The following CSMD1 variants were observed in gnomAD, a reference collection of about 807,000 sequenced individuals.
The protein encoded by CSMD1 is CUB and Sushi multiple domains 1, also known as CUB and sushi domain-containing protein 1.
A neutral mutation model predicts 417.5 loss-of-function variants in CSMD1; 213 were observed. The observed-to-expected ratio is 0.51, with a 90% CI of 0.46 to 0.57. The LOEUF (loss-of-function observed/expected upper bound fraction) is 0.57. CSMD1 is among the 20% of genes least tolerant of loss of function. The probability of loss-of-function intolerance (pLI) is 0.00; values close to 1 mark genes in which losing one functional copy is unlikely to be tolerated. For missense variants in CSMD1, 6,923 were observed against 4,529.7 expected (o/e 1.53, Z -15.17); for synonymous variants, 2,862 against 1,736.8 (o/e 1.65, Z -16.11).
rs192589500 is a variant in CSMD1, at chr8:4,678,982, C to T, written c.86-41424G>A. ...AGCTATGCTAAGAGTTGTGTGCTGC[C>T]GACTCTCAACCTCACCCACAGAACA... On this transcript the variant is annotated intron_variant, in intron 1 of 69. Coordinates refer to ENST00000635120, the MANE Select transcript of CSMD1 (RefSeq NM_033225.6). 2.0e-3 allele frequency among the ~76,000 whole-genome samples: 310 copies of T among 152,220 alleles called. 1 individual carries two copies. Among genetic ancestry groups the T allele is most frequent in the South Asian group, 0.012 (60 of 4,820 alleles).
At chr8:4,008,716 T>C (rs1444715931) in intron 4 of CSMD1, among the ~76,000 whole-genome samples, 1 of 147,210 alleles carries the variant, frequency 6.8e-6, no homozygotes, top group African/African-American at 2.5e-5. Flanking sequence ...GTTCACATCA[T>C]TCTCCTGCCT....
At chr8:3,992,274 A>G (rs917775124) in intron 5 of CSMD1, among the ~76,000 whole-genome samples, 3 of 152,164 alleles carry the variant, frequency 2.0e-5, no homozygotes, top group Admixed American at 6.5e-5. Context: ...ATGAACCAGC[A>G]TAACTTGACC....
chr8:4,542,956 G>A (rs1797465036), intron 2 of CSMD1, among the ~76,000 whole-genome samples: 1 of 151,942 alleles, frequency 6.6e-6, no homozygotes, highest in Non-Finnish European at 1.5e-5. Context: ...TATAATCATG[G>A]CATATTTGCA....
chr8:3,961,879 A>G (rs1426527070), intron 5 of CSMD1, among the ~76,000 whole-genome samples: 1 of 152,182 alleles, frequency 6.6e-6, no homozygotes, highest in Admixed American at 6.5e-5. Context: ...AAAACAGCGC[A>G]TCCTGCCTTA....
chr8:3,870,677 A>G (rs1298872700), intron 5 of CSMD1, among the ~76,000 whole-genome samples: 1 of 152,134 alleles, frequency 6.6e-6, no homozygotes, highest in Non-Finnish European at 1.5e-5. Context: ...TGAATATTAG[A>G]GGGATGTTAA....
At chr8:4,053,555 T>C (rs1449531393) in intron 3 of CSMD1, among the ~76,000 whole-genome samples, 1 of 152,156 alleles carries the variant, frequency 6.6e-6, no homozygotes, top group Non-Finnish European at 1.5e-5. Flanking sequence ...TTCTCTGACC[T>C]TGCAAGCTGG....
chr8:3,651,462 G>C (rs1019945789), intron 7 of CSMD1, among the ~76,000 whole-genome samples: 1 of 152,000 alleles, frequency 6.6e-6, no homozygotes, highest in African/African-American at 2.4e-5. Flanking sequence ...TGCACGTTCT[G>C]ACTTCCCTTT....
chr8:4,078,321 T>A (rs935390109), intron 3 of CSMD1, among the ~76,000 whole-genome samples: 11 of 150,768 alleles, frequency 7.3e-5, no homozygotes, highest in Non-Finnish European at 1.6e-4. Flanking sequence ...AACTTTTTTT[T>A]TTTTTTTTTT....
At chr8:4,723,747 T>C (rs1809219865) in intron 1 of CSMD1, among the ~76,000 whole-genome samples, 1 of 143,832 alleles carries the variant, frequency 7.0e-6, no homozygotes, top group Admixed American at 7.0e-5. Context: ...TCATATGTGC[T>C]GTAAGAATCT....
At chr8:4,571,057 G>A (rs1398709913) in intron 2 of CSMD1, among the ~76,000 whole-genome samples, 1 of 152,032 alleles carries the variant, frequency 6.6e-6, no homozygotes, top group Non-Finnish European at 1.5e-5. Context: ...AGTCTGGCTA[G>A]CAGTCTATCA....
At chr8:4,449,779 T>C (rs990049860) in intron 2 of CSMD1, among the ~76,000 whole-genome samples, 4 of 152,012 alleles carry the variant, frequency 2.6e-5, no homozygotes, top group Non-Finnish European at 5.9e-5. Flanking sequence ...GGAGCAGCTA[T>C]GTTTGGGCAT....
intron 5 of CSMD1, among the ~76,000 whole-genome samples, chr8:3,939,388 G>A (rs766199134): frequency 3.9e-5 from 6 of 152,076 alleles, no homozygotes; most frequent in African/African-American, 1.2e-4. Context: ...ATGGTGAAAA[G>A]GGAACACTTT....
chr8:4,041,253 G>T (rs975059512), intron 3 of CSMD1, among the ~76,000 whole-genome samples: 3 of 151,752 alleles, frequency 2.0e-5, no homozygotes, highest in Non-Finnish European at 2.9e-5. Flanking sequence ...TCCTGACCTC[G>T]TGATCCGCCC....
chr8:3,801,346 A>T (rs947349339), intron 5 of CSMD1, among the ~76,000 whole-genome samples: 3 of 152,172 alleles, frequency 2.0e-5, no homozygotes, highest in Non-Finnish European at 2.9e-5. Context: ...ATGGCCAATA[A>T]GCCCATGAAA....
intron 1 of CSMD1, among the ~76,000 whole-genome samples, chr8:4,751,598 T>A (rs1478522755): frequency 6.6e-6 from 1 of 152,170 alleles, no homozygotes. Flanking sequence ...AAACAGAGTT[T>A]ATTCAGGATA....
chr8:4,460,029 C>T (rs980385852), intron 2 of CSMD1, among the ~76,000 whole-genome samples: 7 of 152,134 alleles, frequency 4.6e-5, no homozygotes, highest in Admixed American at 3.3e-4. Context: ...AATGAACAGA[C>T]ATCTACAGAA....
At chr8:3,852,918 G>C (rs958525327) in intron 5 of CSMD1, among the ~76,000 whole-genome samples, 2 of 152,056 alleles carry the variant, frequency 1.3e-5, no homozygotes, top group Admixed American at 6.6e-5. Context: ...ATTTTATCTT[G>C]ATCCCACCTT....
chr8:4,159,283 A>C (rs1037772545), intron 3 of CSMD1, among the ~76,000 whole-genome samples: 47 of 152,308 alleles, frequency 3.1e-4, no homozygotes, highest in Non-Finnish European at 1.6e-4. Flanking sequence ...GTGTAAGTTT[A>C]ATTTATACCT....
intron 7 of CSMD1, among the ~76,000 whole-genome samples, chr8:3,662,831 C>A (rs1030260299): frequency 1.3e-5 from 2 of 151,760 alleles, no homozygotes; most frequent in African/African-American, 4.8e-5. Context: ...CACACCAGGG[C>A]CTGTCGGTGG....
Sources: gnomAD v4.1 joint callset for allele counts (sites outside exome capture counted in the v4.1 genomes callset) on GRCh38, gnomAD v4.1.1 for gene constraint, MANE v1.5 for transcripts, NCBI Gene and HGNC (gene_info 2026-07-23, HGNC 2026-07-21) for gene names.